ROBO2: variants seen among roughly 807,000 people sequenced by gnomAD.
The protein encoded by ROBO2 is roundabout guidance receptor 2.
Under a neutral mutation model 160.8 loss-of-function variants are expected in ROBO2, and 53 were observed. The observed-to-expected ratio is 0.33, with a 90% CI of 0.26 to 0.41. The LOEUF (loss-of-function observed/expected upper bound fraction) is 0.41, where lower values mean the gene tolerates loss of function less well. ROBO2 is among the 10% of genes least tolerant of loss of function. The pLI, the probability that ROBO2 is intolerant of heterozygous loss-of-function variation, is 1.00. For missense variants in ROBO2, 1,577 were observed against 1,722.4 expected (o/e 0.92, Z 1.49); for synonymous variants, 664 against 611.7 (o/e 1.09, Z -1.26).
intron 2 of ROBO2, among the ~76,000 whole-genome samples, chr3:77,136,835 C>T (rs1361715893): frequency 6.6e-6 from 1 of 152,020 alleles, no homozygotes; most frequent in Non-Finnish European, 1.5e-5. Flanking sequence ...TAGGGTTTCA[C>T]TGTGTTAGCC....
intron 2 of ROBO2, among the ~76,000 whole-genome samples, chr3:77,184,623 T>G (rs73098044): frequency 0.036 from 5,475 of 151,988 alleles, 131 homozygotes; most frequent in Non-Finnish European, 0.048. Flanking sequence ...TTCAGGATGG[T>G]GGGACAATGT....
intron 4 of ROBO2, among the ~76,000 whole-genome samples, chr3:77,487,637 G>T (rs955461914): frequency 1.3e-5 from 2 of 152,068 alleles, no homozygotes; most frequent in African/African-American, 4.8e-5. Flanking sequence ...TAAATAAAAG[G>T]AGACCTACCA....
intron 2 of ROBO2, among the ~76,000 whole-genome samples, chr3:76,626,711 G>A (rs1465603373): frequency 6.9e-6 from 1 of 144,386 alleles, no homozygotes; most frequent in Non-Finnish European, 1.5e-5. Context: ...TTTTTCTTTT[G>A]AGACGGAGTC....
intron 2 of ROBO2, among the ~76,000 whole-genome samples, chr3:76,789,560 G>A: frequency 6.6e-6 from 1 of 151,574 alleles, no homozygotes; most frequent in Non-Finnish European, 1.5e-5. Context: ...TTGTACTGCG[G>A]ATGCAGTAAT....
At chr3:77,458,339 A>G (rs949764676) in intron 2 of ROBO2, among the ~76,000 whole-genome samples, 7 of 152,236 alleles carry the variant, frequency 4.6e-5, no homozygotes, top group African/African-American at 1.7e-4. Flanking sequence ...ACTGTCTCCA[A>G]GATGGTAACA....
intron 2 of ROBO2, among the ~76,000 whole-genome samples, chr3:76,360,681 A>G (rs527397095): frequency 1.3e-5 from 2 of 152,238 alleles, no homozygotes; most frequent in South Asian, 4.1e-4. Flanking sequence ...AAAGCCAGGT[A>G]TAGTCATATG....
chr3:76,347,174 A>T (rs1457388464), intron 2 of ROBO2, among the ~76,000 whole-genome samples: 4 of 152,130 alleles, frequency 2.6e-5, no homozygotes, highest in African/African-American at 7.2e-5. Context: ...TCTGATAAAC[A>T]CTTTTTACTG....
intron 2 of ROBO2, among the ~76,000 whole-genome samples, chr3:76,604,428 C>A (rs2087478631): frequency 6.6e-6 from 1 of 152,062 alleles, no homozygotes; most frequent in East Asian, 1.9e-4. Flanking sequence ...GATATCAGTT[C>A]TTCTCAGAAT....
intron 2 of ROBO2, among the ~76,000 whole-genome samples, chr3:76,845,178 AT>A (rs1208061804): frequency 2.0e-5 from 3 of 152,006 alleles, no homozygotes; most frequent in Admixed American, 6.6e-5. Flanking sequence ...CAATTTTTAA[AT>A]ACTTCCCATT....
intron 2 of ROBO2, among the ~76,000 whole-genome samples, chr3:76,259,682 C>T (rs1038775337): frequency 6.6e-6 from 1 of 152,108 alleles, no homozygotes; most frequent in Non-Finnish European, 1.5e-5. Flanking sequence ...GCTTTGCTTT[C>T]AGTCCTTATA....
chr3:77,087,311 G>A (rs151137068), intron 1 of ROBO2, among the ~76,000 whole-genome samples: 3 of 152,024 alleles, frequency 2.0e-5, no homozygotes, highest in African/African-American at 4.8e-5. Flanking sequence ...CTTTTGTAAA[G>A]CCAAATGCAA....
rs1342556818 is a variant in ROBO2 at position 77,577,652 on chromosome 3, G to A, written c.2328+38G>A. 1.9e-6 allele frequency: 3 copies of A among 1,611,422 alleles called. No homozygotes were observed. The African/African-American group carries it at 4.0e-5, about 22-fold the overall frequency. ...TGAAGAAGGACAGCTCTCATGTAAA[G>A]GTTCCCAGAGAAATCTCAGTGTCTC... is the stretch of plus-strand genomic sequence containing the variant. On this transcript the variant is annotated intron_variant, in intron 15 of 25. Transcript: ENST00000461745.
chr3:77,454,472 T>G (rs987932859), intron 2 of ROBO2, among the ~76,000 whole-genome samples: 1 of 152,162 alleles, frequency 6.6e-6, no homozygotes, highest in African/African-American at 2.4e-5. Context: ...CACCCTTTCA[T>G]TTAGTCATTC....
chr3:76,835,134 T>A (rs1284331399), intron 2 of ROBO2, among the ~76,000 whole-genome samples: 1 of 151,898 alleles, frequency 6.6e-6, no homozygotes, highest in African/African-American at 2.4e-5. Flanking sequence ...TCACATTCCC[T>A]TGCTAGTAAA....
At chr3:77,266,446 C>T (rs1308325074) in intron 2 of ROBO2, among the ~76,000 whole-genome samples, 1 of 152,052 alleles carries the variant, frequency 6.6e-6, no homozygotes, top group Non-Finnish European at 1.5e-5. Flanking sequence ...AACAGAAAGA[C>T]CTGCTGCTGA....
intron 2 of ROBO2, among the ~76,000 whole-genome samples, chr3:77,398,318 G>C (rs2075467601): frequency 1.3e-5 from 2 of 152,040 alleles, no homozygotes; most frequent in African/African-American, 2.4e-5. Context: ...TGATGAAGCA[G>C]GTTGTGGGAA....
intron 2 of ROBO2, among the ~76,000 whole-genome samples, chr3:76,537,177 G>C (rs1173908555): frequency 6.6e-6 from 1 of 151,974 alleles, no homozygotes; most frequent in Non-Finnish European, 1.5e-5. Context: ...ATGGATGGGA[G>C]AGAAAGAGGA....
rs74904857 is a variant in ROBO2, at chr3:77,363,427, T to A, written c.389-113987T>A. 7.5e-3 allele frequency among the ~76,000 whole-genome samples: 1,142 copies of A among 152,240 alleles called. 17 individuals are homozygous for A. Among genetic ancestry groups the A allele is most frequent in the African/African-American group, 0.027 (1,105 of 41,546 alleles). ...TTTCCATAAGGGGTCAGATAGTAAA[T>A]GTTTCAGGATTTGCAGGCCATACGA... On this transcript the variant is annotated intron_variant, in intron 2 of 25. Coordinates refer to ENST00000461745, the Ensembl canonical transcript of ROBO2.
At chr3:77,417,055 T>A (rs1456681139) in intron 2 of ROBO2, among the ~76,000 whole-genome samples, 2 of 152,176 alleles carry the variant, frequency 1.3e-5, no homozygotes, top group South Asian at 4.1e-4. Flanking sequence ...ATGTTTCCTG[T>A]CTTTTAATGA....
Sources: gnomAD v4.1 joint callset for allele counts (sites outside exome capture counted in the v4.1 genomes callset) on GRCh38, gnomAD v4.1.1 for gene constraint, MANE v1.5 for transcripts, NCBI Gene and HGNC (gene_info 2026-07-23, HGNC 2026-07-21) for gene names.